VCL: variants seen among roughly 807,000 people sequenced by gnomAD.
VCL encodes the protein epididymis luminal protein 114.
In VCL, 47 loss-of-function variants were observed where a neutral mutation model predicts 125.7. That is an observed-to-expected ratio of 0.37 (90% confidence interval 0.30 to 0.48). VCL has a LOEUF of 0.48. Ranked by LOEUF, VCL falls within the 20% of genes least tolerant of loss-of-function variation. The probability of loss-of-function intolerance (pLI) is 0.99; values close to 1 mark genes in which losing one functional copy is unlikely to be tolerated. For missense variants in VCL, 1,069 were observed against 1,455.5 expected (o/e 0.73, Z 4.32); for synonymous variants, 458 against 514.6 (o/e 0.89, Z 1.49).
chr10:74,083,905 G>C (rs763579200), intron 8 of VCL, among the ~76,000 whole-genome samples: 1 of 150,092 alleles, frequency 6.7e-6, no homozygotes, highest in Non-Finnish European at 1.5e-5. Context: ...GTCTTACTCT[G>C]TTGCCAGGCT....
chr10:74,107,116 T>G, intron 16 of VCL, 114 bp from the exon 17 acceptor site: 1 of 1,554,972 alleles, frequency 6.4e-7, no homozygotes. Flanking sequence ...GCCCGTGATA[T>G]TTACTGGCAG....
intron 19 of VCL, among the ~76,000 whole-genome samples, chr10:74,113,546 G>A (rs1840263679): frequency 6.6e-6 from 1 of 151,970 alleles, no homozygotes; most frequent in Non-Finnish European, 1.5e-5. Flanking sequence ...GGCAGTAGAG[G>A]GATAGCCAGA....
At chr10:74,114,126 T>C (rs1840273320) in intron 19 of VCL, 58 bp from the exon 20 acceptor site, 6 of 1,601,866 alleles carry the variant, frequency 3.7e-6, no homozygotes, top group African/African-American at 2.7e-5. Context: ...TTCTCCTTCC[T>C]TCCTTAACAT....
Position 74,083,240 on chromosome 10 carries a change from T to C in VCL, c.875-126T>C. 3.1e-6 allele frequency: 4 copies of C among 1,273,584 alleles called. No homozygotes were observed. The South Asian group carries it at 5.1e-5, about 16-fold the overall frequency. 78.9% of individuals were successfully genotyped at this position (1,273,584 alleles called of 1,614,324 possible). On this transcript the variant is annotated intron_variant, in intron 7 of 21. Coordinates refer to ENST00000211998, the MANE Select transcript of VCL (RefSeq NM_014000.3). ...GCTTGGCTGTTAGCTATCAGATATGTTGCCTTCTATTCACTCGTCTTGTTT... is the reference window on the plus strand; with the variant it reads ...GCTTGGCTGTTAGCTATCAGATATGCTGCCTTCTATTCACTCGTCTTGTTT...
In VCL at chr10:74,097,066, A is replaced by G; in HGVS notation, c.1744-138A>G. On this transcript the variant is annotated intron_variant, in intron 12 of 21. Coordinates refer to ENST00000211998, the MANE Select transcript of VCL (RefSeq NM_014000.3). This position sits in a 1 kb window ranked among gnomAD's most constrained non-coding sequence, Gnocchi z 4.1. Reference sequence around the variant, plus strand: ...AATTACACCTGTTCTGTGCTAGCTCAGTGCTTTGTACACAGTTAACAAATA... The same window carrying G: ...AATTACACCTGTTCTGTGCTAGCTCGGTGCTTTGTACACAGTTAACAAATA... 5.6e-6 allele frequency: 7 copies of G among 1,255,462 alleles called. No individual in the cohort carries two copies. Among genetic ancestry groups the G allele is most frequent in the Non-Finnish European group, 7.9e-6 (7 of 886,620 alleles). The allele number at this position is 1,255,462 out of a possible 1,614,324, so 77.8% of individuals were successfully genotyped here. A position where few individuals can be genotyped will look rare whatever the true frequency, so the allele number is the denominator to read the frequency against.
chr10:74,079,265 TGTCCCCAAA>T (rs1839641081), intron 6 of VCL, among the ~76,000 whole-genome samples: 1 of 152,204 alleles, frequency 6.6e-6, no homozygotes, highest in Admixed American at 6.5e-5. Flanking sequence ...TCAGGCCAGC[TGTCCCCAAA>T]GCCACATGAC....
intron 2 of VCL, among the ~76,000 whole-genome samples, chr10:74,061,563 A>G (rs897757831): frequency 1.3e-5 from 2 of 152,190 alleles, no homozygotes; most frequent in African/African-American, 4.8e-5. Context: ...TTTGTTGGCT[A>G]TAATTTCATA....
rs1839552869 is a variant in VCL at position 74,074,689 on chromosome 10, G to A, written c.623-54G>A. ...GTGTAGAACATCTTTTGTGAATATT[G>A]TTATACAACAAGATTAAATTCCAAG... On this transcript the variant is annotated intron_variant, in intron 5 of 21. Transcript: ENST00000211998. 3.8e-6 allele frequency: 6 copies of A among 1,593,146 alleles called. No homozygotes were observed. The East Asian group carries it at 8.9e-5, about 24-fold the overall frequency.
In VCL at chr10:74,083,524, C is replaced by T. The variant is rs369560237; in HGVS notation, c.1022+11C>T. Reference sequence around the variant, plus strand: ...TGACCTCCGTGCCAGGTAAAAGTTCCTCTGTCCTTACAGAGCAGTAGTGGG... The same window carrying T: ...TGACCTCCGTGCCAGGTAAAAGTTCTTCTGTCCTTACAGAGCAGTAGTGGG... On this transcript the variant is annotated intron_variant, in intron 8 of 21. Coordinates refer to ENST00000211998, the MANE Select transcript of VCL (RefSeq NM_014000.3). The T allele has an allele frequency of 1.9e-6, 3 of 1,613,356 alleles. No individual in the cohort carries two copies. The East Asian group carries it at 6.7e-5, about 36-fold the overall frequency.
intron 1 of VCL, among the ~76,000 whole-genome samples, chr10:74,040,013 G>A (rs1841063533): frequency 6.6e-6 from 1 of 152,064 alleles, no homozygotes; most frequent in South Asian, 2.1e-4. Context: ...TCCTGCATTA[G>A]GGCCTTTTTC....
chr10:74,070,691 G>A lies in VCL; in HGVS notation c.261G>A (p.Lys87=), dbSNP rs1057523799. Residue 87 remains lysine (K), a synonymous_variant, in exon 3 of 22, where the codon AAG becomes AAA. Transcript: ENST00000211998. Reference sequence around the variant, plus strand: ...ATAGGGTTGAGAATGCTTGCACCAAGCTTGTCCAGGCAGCTCAGATGCTTC... The same window carrying A: ...ATAGGGTTGAGAATGCTTGCACCAAACTTGTCCAGGCAGCTCAGATGCTTC... The part of the protein sequence containing the change: ...AFIKVENACT[K]LVQAAQMLQS... 6.2e-7 allele frequency: 1 copy of A among 1,614,150 alleles called. No homozygotes were observed. Among genetic ancestry groups the A allele is most frequent in the Non-Finnish European group, 8.5e-7 (1 of 1,180,030 alleles).
chr10:74,070,663 C>T lies in VCL; in HGVS notation c.240-7C>T. The T allele has an allele frequency of 6.2e-7, 1 of 1,613,916 alleles. No individual in the cohort carries two copies. Among genetic ancestry groups the T allele is most frequent in the Non-Finnish European group, 8.5e-7 (1 of 1,179,992 alleles). On this transcript the variant is annotated splice_polypyrimidine_tract_variant and splice_region_variant and intron_variant, in intron 2 of 21. Coordinates refer to ENST00000211998, the MANE Select transcript of VCL (RefSeq NM_014000.3). ...GCCGGTGTGTTAACCTGTGTTCTTCCCTATAGGGTTGAGAATGCTTGCACC... is the reference window on the plus strand; with the variant it reads ...GCCGGTGTGTTAACCTGTGTTCTTCTCTATAGGGTTGAGAATGCTTGCACC...
intron 18 of VCL, among the ~76,000 whole-genome samples, chr10:74,111,226 C>G (rs1012478209): frequency 6.6e-6 from 1 of 152,150 alleles, no homozygotes; most frequent in Non-Finnish European, 1.5e-5. Flanking sequence ...CTTGAGGCTC[C>G]TTACAGCTGG....
At chr10:73,999,989 T>C (rs959344838) in intron 1 of VCL, among the ~76,000 whole-genome samples, 1 of 152,210 alleles carries the variant, frequency 6.6e-6, no homozygotes, top group Non-Finnish European at 1.5e-5. Flanking sequence ...TCTCTCCATG[T>C]AGTACTTCAG....
chr10:74,115,210 C>CA, intron 21 of VCL, among the ~76,000 whole-genome samples: 1 of 151,940 alleles, frequency 6.6e-6, no homozygotes, highest in Non-Finnish European at 1.5e-5. Flanking sequence ...GCCTGGGTGA[C>CA]AGAGTGAGAC....
intron 10 of VCL, 55 bp downstream of exon 10, chr10:74,090,253 C>G (rs1839858351): frequency 2.1e-5 from 34 of 1,593,124 alleles, no homozygotes. Flanking sequence ...CTTTCTCTCT[C>G]CCTTCCCTCT....
rs1444476748 is a variant in VCL at position 74,043,906 on chromosome 10, G to C, written c.239+753G>C. 2.6e-5 allele frequency among the ~76,000 whole-genome samples: 4 copies of C among 151,814 alleles called. No individual in the cohort carries two copies. The East Asian group carries it at 7.8e-4, about 30-fold the overall frequency. ...GTGGATCACCTCAGGTCAGGAGATC[G>C]AGACCATCCTGGCTAACATGGTGAA... On this transcript the variant is annotated intron_variant, in intron 2 of 21. Transcript: ENST00000211998.
intron 10 of VCL, 41 bp from the exon 11 acceptor site, chr10:74,094,230 A>C (rs1455223111): frequency 6.2e-7 from 1 of 1,611,738 alleles, no homozygotes; most frequent in South Asian, 1.1e-5. Flanking sequence ...CAATGTAAAT[A>C]GTGTTTATGT....
intron 1 of VCL, among the ~76,000 whole-genome samples, chr10:74,028,716 A>G (rs1840819743): frequency 6.6e-6 from 1 of 151,418 alleles, no homozygotes; most frequent in Admixed American, 6.6e-5. Flanking sequence ...TTTAATAACT[A>G]AGAACACTGG....
Sources: gnomAD v4.1 joint callset for allele counts (sites outside exome capture counted in the v4.1 genomes callset) on GRCh38, gnomAD v4.1.1 for gene constraint, Gnocchi (gnomAD v3.1) non-coding constraint, MANE v1.5 for transcripts, NCBI Gene and HGNC (gene_info 2026-07-23, HGNC 2026-07-21) for gene names.